MAF: variants seen among roughly 807,000 people sequenced by gnomAD.
The protein encoded by MAF is MAF bZIP transcription factor.
Under a neutral mutation model 22.0 loss-of-function variants are expected in MAF, and 10 were observed. The ratio of observed to expected loss-of-function variants is 0.45; its 90% CI spans 0.28 to 0.77. MAF has a LOEUF of 0.77. MAF is among the 30% of genes least tolerant of loss of function. MAF has a pLI of 0.12. For missense variants in MAF, 544 were observed against 548.4 expected (o/e 0.99, Z 0.08); for synonymous variants, 337 against 255.8 (o/e 1.32, Z -3.03).
chr16:79,444,567 G>T, the MAF span, among the ~76,000 whole-genome samples: 1 of 152,162 alleles, frequency 6.6e-6, no homozygotes, highest in Non-Finnish European at 1.5e-5. Flanking sequence ...AAGACAGGAT[G>T]GGCAAAGTGT....
the MAF span, among the ~76,000 whole-genome samples, chr16:79,415,915 G>A: frequency 1.3e-5 from 2 of 152,042 alleles, no homozygotes; most frequent in African/African-American, 4.8e-5. Flanking sequence ...ATCCCTTGGT[G>A]TATTGTATTA....
the MAF span, among the ~76,000 whole-genome samples, chr16:79,502,755 A>G: frequency 1.6e-4 from 21 of 130,058 alleles, no homozygotes; most frequent in African/African-American, 2.6e-4. Context: ...ATATATATAT[A>G]AAGACTCATT....
chr16:79,335,454 A>G, the MAF span, among the ~76,000 whole-genome samples: 1 of 152,210 alleles, frequency 6.6e-6, no homozygotes, highest in Non-Finnish European at 1.5e-5. Context: ...ATTCAATTCA[A>G]TTAAGCTTCA....
chr16:79,385,940 A>C, the MAF span, among the ~76,000 whole-genome samples: 3 of 152,156 alleles, frequency 2.0e-5, no homozygotes, highest in Non-Finnish European at 2.9e-5. Flanking sequence ...AAACAAAAAA[A>C]ACTTCATAGC....
chr16:79,420,952 G>A, the MAF span, among the ~76,000 whole-genome samples: 1 of 151,864 alleles, frequency 6.6e-6, no homozygotes, highest in Non-Finnish European at 1.5e-5. Context: ...GAGAATCGCT[G>A]GAACCCGGGA....
chr16:79,387,463 G>A, the MAF span, among the ~76,000 whole-genome samples: 12,134 of 152,202 alleles, frequency 0.08, 1,039 homozygotes, highest in African/African-American at 0.21. Flanking sequence ...ATGAGTCCCA[G>A]TGGGAAGTTA....
chr16:79,513,150 T>C, the MAF span, among the ~76,000 whole-genome samples: 1 of 152,224 alleles, frequency 6.6e-6, no homozygotes, highest in Non-Finnish European at 1.5e-5. Flanking sequence ...CTCACCAGGG[T>C]GGAGGACAGA....
At chr16:79,479,746 C>T in the MAF span, among the ~76,000 whole-genome samples, 5 of 152,232 alleles carry the variant, frequency 3.3e-5, no homozygotes, top group Non-Finnish European at 5.9e-5. Context: ...CTACTACGTG[C>T]TAAGGTCTGT....
At chr16:79,568,150 C>T in the MAF span, among the ~76,000 whole-genome samples, 65 of 152,290 alleles carry the variant, frequency 4.3e-4, no homozygotes, top group African/African-American at 1.5e-3. Context: ...AATCCAGTCG[C>T]TAAAATCCAT....
the MAF span, among the ~76,000 whole-genome samples, chr16:79,559,166 G>A: frequency 6.1e-3 from 926 of 152,212 alleles, 9 homozygotes; most frequent in African/African-American, 0.021. Flanking sequence ...GCTAGTAACC[G>A]GCTTGCACCA....
chr16:79,467,010 G>A, the MAF span, among the ~76,000 whole-genome samples: 16 of 152,112 alleles, frequency 1.1e-4, no homozygotes, highest in African/African-American at 3.4e-4. Context: ...ACTCCTGGCC[G>A]CCTCCAAGCC....
chr16:79,575,296 G>A, the MAF span, among the ~76,000 whole-genome samples: 1 of 152,118 alleles, frequency 6.6e-6, no homozygotes, highest in Non-Finnish European at 1.5e-5. Flanking sequence ...GCAGGCAGCT[G>A]ACCATGAAGG....
chr16:79,396,498 C>A, the MAF span, among the ~76,000 whole-genome samples: 1 of 152,128 alleles, frequency 6.6e-6, no homozygotes, highest in East Asian at 1.9e-4. Flanking sequence ...CCTCCTTGAC[C>A]CACTAACAAT....
the MAF span, among the ~76,000 whole-genome samples, chr16:79,316,722 T>C: frequency 2.0e-5 from 3 of 152,048 alleles, no homozygotes; most frequent in Non-Finnish European, 2.9e-5. Context: ...TTATAGAATA[T>C]TCAGTTGGCC....
At chr16:79,381,495 G>T in the MAF span, among the ~76,000 whole-genome samples, 107 of 152,342 alleles carry the variant, frequency 7.0e-4, 1 homozygote, top group African/African-American at 2.5e-3. Flanking sequence ...GTGCCTAAAA[G>T]AAAGAGCGCT....
the MAF span, among the ~76,000 whole-genome samples, chr16:79,411,697 C>T: frequency 6.6e-6 from 1 of 152,226 alleles, no homozygotes; most frequent in South Asian, 2.1e-4. Context: ...TACTGAATTA[C>T]TCTGTGCAAC....
the MAF span, among the ~76,000 whole-genome samples, chr16:79,547,332 C>T: frequency 6.6e-6 from 1 of 151,914 alleles, no homozygotes; most frequent in African/African-American, 2.4e-5. Flanking sequence ...TACACACATA[C>T]ACACACGTAC....
the MAF span, among the ~76,000 whole-genome samples, chr16:79,495,341 T>C: frequency 6.6e-6 from 1 of 152,052 alleles, no homozygotes; most frequent in African/African-American, 2.4e-5. Flanking sequence ...CTTTCACCTG[T>C]AGTACCAGCT....
the MAF span, among the ~76,000 whole-genome samples, chr16:79,440,206 G>C: frequency 6.6e-6 from 1 of 152,224 alleles, no homozygotes; most frequent in Admixed American, 6.5e-5. Context: ...AGCCAGAAAA[G>C]GGGGCTCTTG....
Sources: allele counts gnomAD v4.1 joint callset (sites outside exome capture counted in the v4.1 genomes callset), GRCh38; gene constraint gnomAD v4.1.1; transcripts MANE v1.5; gene names NCBI Gene and HGNC (gene_info 2026-07-23, HGNC 2026-07-21).